NSD2: variants seen among roughly 807,000 people sequenced by gnomAD.
The protein encoded by NSD2 is nuclear receptor binding SET domain protein 2.
In NSD2, 12 loss-of-function variants were observed where a neutral mutation model predicts 139.0. The observed-to-expected ratio is 0.09, with a 90% CI of 0.06 to 0.14. NSD2 has a LOEUF of 0.14. Among genes scored for constraint, NSD2 ranks in the 10% least tolerant of loss-of-function variants. The probability of loss-of-function intolerance (pLI) is 1.00; values close to 1 mark genes in which losing one functional copy is unlikely to be tolerated. For missense variants in NSD2, 1,155 were observed against 1,745.0 expected (o/e 0.66, Z 6.02); for synonymous variants, 669 against 648.7 (o/e 1.03, Z -0.48).
At chr4:1,975,069 G>C (rs1726927738) in intron 19 of NSD2, 65 bp downstream of exon 19, 1 of 1,606,084 alleles carries the variant, frequency 6.2e-7, no homozygotes, top group African/African-American at 1.3e-5. Context: ...ATCGCTGAGG[G>C]CTGCGTGGGG....
rs372660600 is a variant in NSD2 at position 1,911,587 on chromosome 4, C to CAAAAA, written c.761-5268_761-5264dup. On this transcript the variant is annotated intron_variant, in intron 3 of 21. Coordinates refer to ENST00000508803, the MANE Select transcript of NSD2 (RefSeq NM_001042424.3). The stretch of plus-strand genomic sequence containing the variant: ...TGGGCGACAGAGCGAGACGCCATCT[C>CAAAAA]AAAAAAAAAAAAAAAAAAAAGAAAA... 1.8e-3 allele frequency among the ~76,000 whole-genome samples: 76 copies of CAAAAA among 41,996 alleles called. 3 individuals carry two copies. The highest frequency in any genetic ancestry group is 2.5e-3 in the Non-Finnish European group (55 of 21,750). 27.6% of individuals were successfully genotyped at this position (41,996 alleles called of 152,430 possible). A position where few individuals can be genotyped will look rare whatever the true frequency, so the allele number is the denominator to read the frequency against.
intron 9 of NSD2, chr4:1,946,926 A>G (rs1427073376): frequency 1.9e-6 from 2 of 1,058,488 alleles, no homozygotes; most frequent in East Asian, 1.0e-4. Flanking sequence ...GCCTACCTAT[A>G]GTTGTTGGCC....
Position 1,878,235 on chromosome 4 carries a change from A to ATATGTATGTATATATATG in NSD2, c.-30+6696_-30+6697insGTATGTATATATATGTAT, listed in dbSNP as rs1714411108. On this transcript the variant is annotated intron_variant, in intron 1 of 21. Coordinates refer to ENST00000508803, the MANE Select transcript of NSD2 (RefSeq NM_001042424.3). ...GCCACCATGCCCGGCTGATATATAT[A>ATATGTATGTATATATATG]TATATATATATATATATTTTTTTTT... Among the ~76,000 whole-genome samples the ATATGTATGTATATATATG allele has an allele frequency of 1.1e-4, 3 of 27,450 alleles. 1 individual carries two copies. Among genetic ancestry groups the ATATGTATGTATATATATG allele is most frequent in the African/African-American group, 5.0e-4 (3 of 5,978 alleles). The allele number at this position is 27,450 out of a possible 152,430, so 18.0% of individuals were successfully genotyped here. A position where few individuals can be genotyped will look rare whatever the true frequency, so the allele number is the denominator to read the frequency against.
Position 1,973,853 on chromosome 4 carries a change from G to A in NSD2, c.3373-1010G>A, listed in dbSNP as rs151050778. On this transcript the variant is annotated intron_variant, in intron 18 of 21. Transcript: ENST00000508803. This position sits in a 1 kb window ranked among gnomAD's most constrained non-coding sequence, Gnocchi z 5.5. ...GTGGCCTTTTGATTTCTCCCCACGC[G>A]GTTGTGCGGTGGATCTGGCGGCTCC... is the stretch of plus-strand genomic sequence containing the variant. Among the ~76,000 whole-genome samples the A allele has an allele frequency of 1.7e-4, 26 of 152,324 alleles. No homozygotes were observed. Among genetic ancestry groups the A allele is most frequent in the African/African-American group, 5.3e-4 (22 of 41,582 alleles).
chr4:1,912,407 C>A (rs1718802197), intron 3 of NSD2, among the ~76,000 whole-genome samples: 1 of 152,058 alleles, frequency 6.6e-6, no homozygotes, highest in African/African-American at 2.4e-5. Flanking sequence ...ATGTAAATAT[C>A]ATTCAGTGAA....
At chr4:1,907,453 G>T (rs1267602284) in intron 3 of NSD2, among the ~76,000 whole-genome samples, 1 of 150,584 alleles carries the variant, frequency 6.6e-6, no homozygotes, top group Non-Finnish European at 1.5e-5. Context: ...TGCCAAATGG[G>T]TATACTTGGA....
intron 7 of NSD2, among the ~76,000 whole-genome samples, chr4:1,937,719 G>T (rs1007373383): frequency 1.3e-5 from 2 of 152,186 alleles, no homozygotes; most frequent in East Asian, 1.9e-4. Flanking sequence ...CACTGGCTCT[G>T]GTTCCAGGCA....
chr4:1,955,480 C>A lies in NSD2; in HGVS notation c.2518+140C>A. On this transcript the variant is annotated intron_variant, in intron 13 of 21. Coordinates refer to ENST00000508803, the MANE Select transcript of NSD2 (RefSeq NM_001042424.3). This position sits in a 1 kb window ranked among gnomAD's most constrained non-coding sequence, Gnocchi z 4.7. ...GCGTCTTCACGTTAATAGTATATCACAGTAGCTCTAAATTAATTGTAATCA... is the reference window on the plus strand; with the variant it reads ...GCGTCTTCACGTTAATAGTATATCAAAGTAGCTCTAAATTAATTGTAATCA... 8.0e-7 allele frequency: 1 copy of A among 1,249,164 alleles called. No individual in the cohort carries two copies. Among genetic ancestry groups the A allele is most frequent in the Non-Finnish European group, 1.1e-6 (1 of 928,916 alleles). The allele number at this position is 1,249,164 out of a possible 1,614,324, so 77.4% of individuals were successfully genotyped here.
rs777730489 is a variant in NSD2, at chr4:1,978,911, GC to G, written c.*4del. 6.6e-7 allele frequency: 1 copy of G among 1,506,432 alleles called. No homozygotes were observed. Among genetic ancestry groups the G allele is most frequent in the South Asian group, 1.3e-5 (1 of 76,300 alleles). The allele number at this position is 1,506,432 out of a possible 1,614,324, so 93.3% of individuals were successfully genotyped here. ...CGGAGAGTCACAGAGGGCAAATAGC[GC>G]CAGGCGGCCGCTTGGCCGGATCCAG... On this transcript the variant is annotated 3_prime_UTR_variant, in exon 22 of 22. Transcript: ENST00000508803.
At chr4:1,881,407 C>T (rs903582121) in intron 1 of NSD2, among the ~76,000 whole-genome samples, 2 of 152,178 alleles carry the variant, frequency 1.3e-5, no homozygotes, top group East Asian at 1.9e-4. Context: ...GGACTACAGG[C>T]GCACGCTGCC....
In NSD2 at chr4:1,976,218, G is replaced by C. The variant is rs1050932382; in HGVS notation, c.3622-257G>C. 1 of 494,092 alleles carries C rather than the reference G, an allele frequency of 2.0e-6. No homozygotes were observed. Among genetic ancestry groups the C allele is most frequent in the Non-Finnish European group, 3.7e-6 (1 of 273,174 alleles). 30.6% of individuals were successfully genotyped at this position (494,092 alleles called of 1,614,324 possible). A position where few individuals can be genotyped will look rare whatever the true frequency, so the allele number is the denominator to read the frequency against. On this transcript the variant is annotated intron_variant, in intron 20 of 21. Coordinates refer to ENST00000508803, the MANE Select transcript of NSD2 (RefSeq NM_001042424.3). This position sits in a 1 kb window ranked among gnomAD's most constrained non-coding sequence, Gnocchi z 5.3. ...GATCCTGGAGCTGTGTGTCTGCTGA[G>C]ATGCTGCTGAGATGCGTCATTGCAG...
At chr4:1,891,581 G>A (rs1010069269) in intron 1 of NSD2, among the ~76,000 whole-genome samples, 6 of 152,138 alleles carry the variant, frequency 3.9e-5, no homozygotes, top group Admixed American at 6.6e-5. Flanking sequence ...AACCGGGCAC[G>A]GTGGCTCATG....
At chr4:1,883,114 G>A (rs1315256551) in intron 1 of NSD2, among the ~76,000 whole-genome samples, 1 of 152,128 alleles carries the variant, frequency 6.6e-6, no homozygotes, top group East Asian at 1.9e-4. Context: ...AAGTTCTGGT[G>A]CCAGTGATAG....
intron 5 of NSD2, among the ~76,000 whole-genome samples, chr4:1,920,234 G>A (rs1458347416): frequency 1.3e-5 from 2 of 152,146 alleles, no homozygotes; most frequent in African/African-American, 4.8e-5. Flanking sequence ...CAGATCACCT[G>A]AGGTTAGGAG....
At chr4:1,908,134 T>C (rs1718185763) in intron 3 of NSD2, among the ~76,000 whole-genome samples, 1 of 152,248 alleles carries the variant, frequency 6.6e-6, no homozygotes, top group African/African-American at 2.4e-5. Context: ...ACTCGGCATC[T>C]GGTGGTTGTG....
intron 6 of NSD2, among the ~76,000 whole-genome samples, chr4:1,931,639 T>A (rs927652433): frequency 1.3e-5 from 2 of 152,010 alleles, no homozygotes; most frequent in South Asian, 4.2e-4. Flanking sequence ...AGCGAAAGGG[T>A]CTGGCCACAT....
intron 1 of NSD2, among the ~76,000 whole-genome samples, chr4:1,879,342 C>A (rs1158666167): frequency 6.6e-6 from 1 of 152,054 alleles, no homozygotes; most frequent in East Asian, 1.9e-4. Context: ...CCTCAGCCTC[C>A]CAAGTAGCTG....
chr4:1,920,200 A>T (rs1242554746), intron 5 of NSD2, among the ~76,000 whole-genome samples: 1 of 152,194 alleles, frequency 6.6e-6, no homozygotes, highest in Non-Finnish European at 1.5e-5. Flanking sequence ...CTGTAATCTC[A>T]GCACATTGGG....
intron 15 of NSD2, 21 bp from the exon 16 acceptor site, chr4:1,957,912 C>G (rs1351803436): frequency 6.2e-7 from 1 of 1,609,998 alleles, no homozygotes; most frequent in Non-Finnish European, 8.5e-7. Context: ...AATCTTTACT[C>G]CTATTTCATT....
Sources: allele counts gnomAD v4.1 joint callset (sites outside exome capture counted in the v4.1 genomes callset), GRCh38; gene constraint gnomAD v4.1.1; non-coding constraint Gnocchi (gnomAD v3.1); transcripts MANE v1.5; gene names NCBI Gene and HGNC (gene_info 2026-07-23, HGNC 2026-07-21).